Variants in PTPRN2 observed in about 807,000 individuals in gnomAD.
PTPRN2 encodes protein tyrosine phosphatase receptor type N2.
A neutral mutation model predicts 118.8 loss-of-function variants in PTPRN2; 74 were observed. The observed-to-expected ratio is 0.62, with a 90% CI of 0.52 to 0.76. PTPRN2 has a LOEUF of 0.76. PTPRN2 is among the 30% of genes least tolerant of loss of function. PTPRN2 has a pLI of 0.00. For missense variants in PTPRN2, 1,481 were observed against 1,394.4 expected (o/e 1.06, Z -0.99); for synonymous variants, 641 against 608.0 (o/e 1.05, Z -0.80).
At chr7:158,365,772 T>TACAC (rs1295512736) in intron 2 of PTPRN2, among the ~76,000 whole-genome samples, 1 of 52,172 alleles carries the variant, frequency 1.9e-5, no homozygotes, top group South Asian at 6.5e-4. Context: ...CACACGTGCA[T>TACAC]ACACACACAC....
At chr7:157,575,798 A>G (rs930901239) in intron 19 of PTPRN2, among the ~76,000 whole-genome samples, 9 of 152,122 alleles carry the variant, frequency 5.9e-5, no homozygotes, top group Non-Finnish European at 1.3e-4. Flanking sequence ...CCTTGTTTGG[A>G]TATTTGTCTC....
At position 158,587,670 on chromosome 7, in the gene PTPRN2, C is replaced by A. The variant is rs766314993; in HGVS notation, c.-1G>T. On this transcript the variant is annotated 5_prime_UTR_variant, in exon 1 of 23. Transcript: ENST00000389418. The stretch of plus-strand genomic sequence containing the variant: ...GCAGCAGCGGGAGCGGCGGCCCCAT[C>A]CCCGCGGCCTGGCCGGCGGCGCTCA... The A allele has an allele frequency of 3.0e-6, 4 of 1,330,732 alleles. No individual in the cohort carries two copies. The highest frequency in any genetic ancestry group is 2.9e-6 in the Non-Finnish European group (3 of 1,043,658). The allele number at this position is 1,330,732 out of a possible 1,614,324, so 82.4% of individuals were successfully genotyped here.
Position 158,057,279 on chromosome 7 carries a change from C to T in PTPRN2, c.1723+24019G>A, listed in dbSNP as rs886579749. On this transcript the variant is annotated intron_variant, in intron 11 of 22. Coordinates refer to ENST00000389418, the MANE Select transcript of PTPRN2 (RefSeq NM_002847.5). Reference sequence around the variant, plus strand: ...AGAATGAACCAGAAACTTTGCTCTTCTGCTGTGCCCACAGGAAACTGAATC... The same window carrying T: ...AGAATGAACCAGAAACTTTGCTCTTTTGCTGTGCCCACAGGAAACTGAATC... Among the ~76,000 whole-genome samples the T allele has an allele frequency of 2.0e-5, 3 of 152,342 alleles. No homozygotes were observed. In the East Asian group the frequency reaches 5.8e-4, roughly 29 times the overall value.
intron 13 of PTPRN2, among the ~76,000 whole-genome samples, chr7:157,678,645 TGCACTTA>T (rs1184853088): frequency 6.6e-6 from 1 of 152,138 alleles, no homozygotes; most frequent in African/African-American, 2.4e-5. Context: ...GACCGAGACG[TGCACTTA>T]GCCGCTGTGT....
At chr7:157,667,419 C>A (rs952462065) in intron 13 of PTPRN2, among the ~76,000 whole-genome samples, 1 of 152,198 alleles carries the variant, frequency 6.6e-6, no homozygotes, top group East Asian at 1.9e-4. Flanking sequence ...TGATCTTACA[C>A]GGGTGTGGGC....
At chr7:157,928,866 G>C (rs560498875) in intron 11 of PTPRN2, among the ~76,000 whole-genome samples, 1 of 147,194 alleles carries the variant, frequency 6.8e-6, no homozygotes, top group African/African-American at 2.5e-5. Context: ...GGATGGGGGG[G>C]TGGGACAGGG....
chr7:158,005,733 T>C (rs1270046958), intron 11 of PTPRN2, among the ~76,000 whole-genome samples: 2 of 152,102 alleles, frequency 1.3e-5, no homozygotes, highest in Non-Finnish European at 2.9e-5. Flanking sequence ...CACGAGGGGT[T>C]CTCCCCAGAA....
chr7:158,144,367 G>A (rs1819686948), intron 6 of PTPRN2, among the ~76,000 whole-genome samples: 1 of 152,196 alleles, frequency 6.6e-6, no homozygotes, highest in Admixed American at 6.5e-5. Flanking sequence ...GCCGGACGCG[G>A]TGGCTCACAC....
chr7:158,158,326 C>T (rs934049943), intron 6 of PTPRN2, among the ~76,000 whole-genome samples: 1 of 152,256 alleles, frequency 6.6e-6, no homozygotes, highest in Admixed American at 6.5e-5. Flanking sequence ...CTGCGGGGAA[C>T]ACGCCCTTCT....
At chr7:157,910,658 GCTGA>G (rs762584911) in intron 11 of PTPRN2, among the ~76,000 whole-genome samples, 6 of 152,230 alleles carry the variant, frequency 3.9e-5, no homozygotes, top group Admixed American at 1.3e-4. Context: ...CCCATGCACA[GCTGA>G]CTGTGTCAAA....
At chr7:158,305,205 G>A (rs1801192492) in intron 3 of PTPRN2, among the ~76,000 whole-genome samples, 1 of 152,118 alleles carries the variant, frequency 6.6e-6, no homozygotes, top group African/African-American at 2.4e-5. Context: ...CAAGAGGAAG[G>A]GTCCATTCAG....
At chr7:157,565,110 C>T (rs1012478755) in intron 21 of PTPRN2, among the ~76,000 whole-genome samples, 12 of 152,332 alleles carry the variant, frequency 7.9e-5, no homozygotes, top group African/African-American at 2.9e-4. Flanking sequence ...TATTCAGATT[C>T]GCGGAAACAA....
At chr7:158,477,094 A>C (rs1474169163) in intron 2 of PTPRN2, among the ~76,000 whole-genome samples, 2 of 152,224 alleles carry the variant, frequency 1.3e-5, no homozygotes, top group African/African-American at 4.8e-5. Flanking sequence ...TTGGGAGTGC[A>C]ATGAGACTGC....
At chr7:158,437,157 G>A (rs1487125715) in intron 2 of PTPRN2, among the ~76,000 whole-genome samples, 2 of 152,026 alleles carry the variant, frequency 1.3e-5, no homozygotes, top group African/African-American at 2.4e-5. Flanking sequence ...GTTTTGATCT[G>A]TTACTCTGCC....
At chr7:157,996,103 A>G (rs920239455) in intron 11 of PTPRN2, among the ~76,000 whole-genome samples, 5 of 152,222 alleles carry the variant, frequency 3.3e-5, no homozygotes, top group Admixed American at 6.5e-5. Flanking sequence ...TTCAGCCATA[A>G]AAAAGGATGA....
At chr7:158,310,274 A>G (rs1045070654) in intron 3 of PTPRN2, among the ~76,000 whole-genome samples, 1 of 152,230 alleles carries the variant, frequency 6.6e-6, no homozygotes, top group African/African-American at 2.4e-5. Context: ...TGAATTTTTA[A>G]AAGTGCTTGT....
chr7:158,520,793 C>A (rs754180766), intron 1 of PTPRN2, among the ~76,000 whole-genome samples: 4 of 152,198 alleles, frequency 2.6e-5, no homozygotes, highest in Non-Finnish European at 5.9e-5. Context: ...CTCAGCCATG[C>A]CCAGCCAGGT....
chr7:158,233,780 C>A (rs1015049881), intron 3 of PTPRN2, among the ~76,000 whole-genome samples: 1 of 152,206 alleles, frequency 6.6e-6, no homozygotes, highest in East Asian at 1.9e-4. Context: ...GACACACAGA[C>A]CAATGGAACA....
intron 1 of PTPRN2, among the ~76,000 whole-genome samples, chr7:158,508,245 CAGG>C (rs950847075): frequency 6.6e-6 from 1 of 152,174 alleles, no homozygotes; most frequent in Non-Finnish European, 1.5e-5. Context: ...GGGCAGGGGG[CAGG>C]AGATGACACT....
Sources: gnomAD v4.1 joint callset for allele counts (sites outside exome capture counted in the v4.1 genomes callset) on GRCh38, gnomAD v4.1.1 for gene constraint, MANE v1.5 for transcripts, NCBI Gene and HGNC (gene_info 2026-07-23, HGNC 2026-07-21) for gene names.